The following EXOC6B variants were observed in gnomAD, a reference collection of about 807,000 sequenced individuals.
The protein encoded by EXOC6B is SEC15 homolog B.
In EXOC6B, 54 loss-of-function variants were observed where a neutral mutation model predicts 113.5. The observed-to-expected ratio is 0.48, with a 90% CI of 0.38 to 0.60. The LOEUF (loss-of-function observed/expected upper bound fraction) is 0.60. Ranked by LOEUF, EXOC6B falls within the 20% of genes least tolerant of loss-of-function variation. The pLI is 0.00. For missense variants in EXOC6B, 797 were observed against 977.5 expected, an observed-to-expected ratio of 0.82 and a Z score of 2.46; for synonymous variants, 357 against 339.0, an observed-to-expected ratio of 1.05 and a Z score of -0.58.
chr2:72,752,224 T>G (rs569380668), intron 1 of EXOC6B, among the ~76,000 whole-genome samples: 39 of 152,270 alleles, frequency 2.6e-4, no homozygotes, highest in Non-Finnish European at 4.7e-4. Flanking sequence ...CAAAATATTC[T>G]TAACTTCTTG....
At chr2:72,401,958 AT>A (rs201966267) in intron 18 of EXOC6B, among the ~76,000 whole-genome samples, 9 of 151,462 alleles carry the variant, frequency 5.9e-5, no homozygotes, top group East Asian at 3.9e-4. Context: ...CTGACATAAG[AT>A]TTTTTTTAAA....
Position 72,544,298 on chromosome 2 carries a change from T to C in EXOC6B, c.915+15155A>G, listed in dbSNP as rs528619148. ...CCAAAAGATTTGAAAATGACACCTA[T>C]TCATTTCAAATTACTATTCTCAGGA... On this transcript the variant is annotated intron_variant, in intron 8 of 21. Transcript: ENST00000272427. 7.2e-4 allele frequency among the ~76,000 whole-genome samples: 109 copies of C among 152,260 alleles called. 1 individual carries two copies. Among genetic ancestry groups the C allele is most frequent in the Admixed American group, 1.2e-3 (18 of 15,288 alleles).
intron 6 of EXOC6B, among the ~76,000 whole-genome samples, chr2:72,689,187 A>G (rs1394514037): frequency 6.6e-6 from 1 of 152,244 alleles, no homozygotes; most frequent in Non-Finnish European, 1.5e-5. Context: ...TTGGGTAGCC[A>G]AAACTAAAAA....
rs576208206 is a variant in EXOC6B, at chr2:72,285,333, A to AT, written c.2196+49613_2196+49614insA. 2.8e-3 allele frequency among the ~76,000 whole-genome samples: 425 copies of AT among 152,172 alleles called. 2 individuals are homozygous for AT. The highest frequency in any genetic ancestry group is 9.9e-3 in the African/African-American group (410 of 41,538). On this transcript the variant is annotated intron_variant, in intron 20 of 21. Coordinates refer to ENST00000272427, the MANE Select transcript of EXOC6B (RefSeq NM_015189.3). ...AGACCCACATAAATACAGTCAGAAA[A>AT]ATATATATAAAAAAGATAGACCTCT...
At chr2:72,689,676 G>A (rs1677346374) in intron 6 of EXOC6B, among the ~76,000 whole-genome samples, 1 of 152,114 alleles carries the variant, frequency 6.6e-6, no homozygotes, top group Non-Finnish European at 1.5e-5. Context: ...TCACACGCTT[G>A]TTCTCCTAGG....
intron 7 of EXOC6B, among the ~76,000 whole-genome samples, chr2:72,573,127 G>A (rs1379178976): frequency 6.6e-6 from 1 of 152,072 alleles, no homozygotes; most frequent in East Asian, 1.9e-4. Context: ...ACTTACCCAG[G>A]ATCTTCAATA....
chr2:72,520,556 A>G (rs1376893264), intron 8 of EXOC6B, among the ~76,000 whole-genome samples: 1 of 152,084 alleles, frequency 6.6e-6, no homozygotes, highest in Non-Finnish European at 1.5e-5. Flanking sequence ...CATTTACTCT[A>G]TTTTGAATGA....
intron 18 of EXOC6B, among the ~76,000 whole-genome samples, chr2:72,427,494 G>A (rs1006446086): frequency 6.6e-6 from 1 of 152,200 alleles, no homozygotes; most frequent in African/African-American, 2.4e-5. Context: ...GCTAAGCACA[G>A]GCACTGTCAT....
chr2:72,179,343 G>A lies in EXOC6B; in HGVS notation c.2428C>T (p.His810Tyr), dbSNP rs779524884. 2.5e-6 allele frequency: 4 copies of A among 1,608,282 alleles called. No homozygotes were observed. The East Asian group carries it at 6.7e-5, about 27-fold the overall frequency. Residue 810 changes from histidine to tyrosine, a missense_variant, in exon 22 of 22, where the codon CAC becomes TAC. Coordinates refer to ENST00000272427, the MANE Select transcript of EXOC6B (RefSeq NM_015189.3). ...KQLRGLISSH[H>Y]S is the part of the protein sequence containing the mutation. ...GGGTCCGGGGTCACCCTTCATGAGTGGTGGCTGCTGATGAGTCCTCGGAGC... is the reference window on the plus strand; with the variant it reads ...GGGTCCGGGGTCACCCTTCATGAGTAGTGGCTGCTGATGAGTCCTCGGAGC...
At chr2:72,676,737 C>T (rs1438162135) in intron 6 of EXOC6B, among the ~76,000 whole-genome samples, 4 of 152,042 alleles carry the variant, frequency 2.6e-5, no homozygotes, top group African/African-American at 9.7e-5. Flanking sequence ...GGGGAACCAC[C>T]GAACACCATT....
chr2:72,283,837 A>G (rs1685266832), intron 20 of EXOC6B, among the ~76,000 whole-genome samples: 2 of 152,182 alleles, frequency 1.3e-5, no homozygotes, highest in Admixed American at 1.3e-4. Flanking sequence ...TCCATGTGGA[A>G]GAAATATTGT....
intron 18 of EXOC6B, among the ~76,000 whole-genome samples, chr2:72,391,426 T>C (rs1044566133): frequency 3.9e-5 from 6 of 152,126 alleles, no homozygotes; most frequent in African/African-American, 1.4e-4. Flanking sequence ...TCTTACTGTT[T>C]TTCCCATGAA....
At chr2:72,538,335 C>T (rs917893523) in intron 8 of EXOC6B, among the ~76,000 whole-genome samples, 5 of 151,822 alleles carry the variant, frequency 3.3e-5, no homozygotes, top group Admixed American at 1.3e-4. Flanking sequence ...TGATAAGCAG[C>T]GATGTTCAAC....
intron 5 of EXOC6B, among the ~76,000 whole-genome samples, chr2:72,729,254 T>C (rs1245909568): frequency 6.6e-6 from 1 of 151,904 alleles, no homozygotes; most frequent in African/African-American, 2.4e-5. Flanking sequence ...GAAAGGAACA[T>C]AAATTTTAAC....
chr2:72,517,286 T>TTTTGA (rs1306069750), intron 8 of EXOC6B, among the ~76,000 whole-genome samples: 1 of 152,210 alleles, frequency 6.6e-6, no homozygotes, highest in Non-Finnish European at 1.5e-5. Flanking sequence ...ATTCCTTTTC[T>TTTTGA]TTTGATTTTA....
At chr2:72,331,220 G>A (rs954399870) in intron 20 of EXOC6B, among the ~76,000 whole-genome samples, 2 of 151,926 alleles carry the variant, frequency 1.3e-5, no homozygotes, top group Admixed American at 1.3e-4. Flanking sequence ...GCTCCCAGAG[G>A]GCACAGATTA....
intron 1 of EXOC6B, among the ~76,000 whole-genome samples, chr2:72,764,241 T>G (rs1016465455): frequency 8.5e-5 from 13 of 152,084 alleles, no homozygotes; most frequent in African/African-American, 3.1e-4. Flanking sequence ...TTTTAGTTTT[T>G]CTAAAGATTG....
chr2:72,335,928 T>A (rs1688668331), intron 19 of EXOC6B, among the ~76,000 whole-genome samples: 2 of 152,204 alleles, frequency 1.3e-5, no homozygotes, highest in South Asian at 4.1e-4. Flanking sequence ...TACAGGGATA[T>A]AAGGACAAAA....
In EXOC6B at chr2:72,495,984, G is replaced by A. The variant is rs543981272; in HGVS notation, c.1444-445C>T. On this transcript the variant is annotated intron_variant, in intron 14 of 21. Coordinates refer to ENST00000272427, the MANE Select transcript of EXOC6B (RefSeq NM_015189.3). ...GGTTAAGGGAGGGGTATTACAAAGG[G>A]GCATCATTAAATAATTTTTTTTTTA... Among the ~76,000 whole-genome samples, 5 of 151,948 alleles carry A rather than the reference G, an allele frequency of 3.3e-5. No homozygotes were observed. The South Asian group carries it at 1.0e-3, about 32-fold the overall frequency.
Sources: gnomAD v4.1 joint callset for allele counts (sites outside exome capture counted in the v4.1 genomes callset) on GRCh38, gnomAD v4.1.1 for gene constraint, MANE v1.5 for transcripts, NCBI Gene and HGNC (gene_info 2026-07-23, HGNC 2026-07-21) for gene names.